Variants in ITPR3 observed in about 807,000 individuals in gnomAD.
ITPR3 encodes inositol 1,4,5-trisphosphate receptor type 3.
ITPR3 carries 173 observed loss-of-function variants against 293.2 expected under a neutral mutation model. The ratio of observed to expected loss-of-function variants is 0.59; its 90% CI spans 0.52 to 0.67. ITPR3 has a LOEUF of 0.67. ITPR3 is among the 30% of genes least tolerant of loss of function. The probability of loss-of-function intolerance (pLI) is 0.00; values close to 1 mark genes in which losing one functional copy is unlikely to be tolerated. For synonymous variants in ITPR3, 1,295 were observed against 1,444.4 expected (o/e 0.90, Z 2.35); for missense variants, 2,796 against 3,592.1 (o/e 0.78, Z 5.66).
At chr6:33,669,298 A>T (rs181846129) in intron 18 of ITPR3, 142 bp downstream of exon 18, 1 of 810,638 alleles carries the variant, frequency 1.2e-6, no homozygotes, top group East Asian at 2.7e-5. Flanking sequence ...CCCTGCTGTC[A>T]CTCCCCTGCC....
At chr6:33,652,056 A>T (rs1764203991) in intron 2 of ITPR3, among the ~76,000 whole-genome samples, 1 of 152,128 alleles carries the variant, frequency 6.6e-6, no homozygotes, top group Non-Finnish European at 1.5e-5. Flanking sequence ...GTGGGCTCAG[A>T]CACAGGGCCC....
In ITPR3 at chr6:33,670,254, G is replaced by T; in HGVS notation, c.2190-71G>T. ...TGCCACTTTACTGAGTCCTCACCAA[G>T]TCTAGTGCCCAGTGCCAGCAGCCTC... On this transcript the variant is annotated intron_variant, in intron 18 of 57. Transcript: ENST00000605930. This position sits in a 1 kb window ranked among gnomAD's most constrained non-coding sequence, Gnocchi z 6.7. The T allele has an allele frequency of 6.4e-7, 1 of 1,560,684 alleles. No homozygotes were observed.
rs980312244 is a variant in ITPR3, at chr6:33,677,157, C to T, written c.3522+68C>T. 4.8e-5 allele frequency: 68 copies of T among 1,420,452 alleles called. 1 individual carries two copies. Among genetic ancestry groups the T allele is most frequent in the Non-Finnish European group, 5.9e-5 (60 of 1,012,234 alleles). 88.0% of individuals were successfully genotyped at this position (1,420,452 alleles called of 1,614,324 possible). A position where few individuals can be genotyped will look rare whatever the true frequency, so the allele number is the denominator to read the frequency against. On this transcript the variant is annotated intron_variant, in intron 27 of 57. Transcript: ENST00000605930. ...GTGGTCCTGGGGGCTCCCGCTGGCC[C>T]GGCCCCCTGTGCCTCTCCCTGTGCT... is the stretch of plus-strand genomic sequence containing the variant.
chr6:33,657,942 A>G lies in ITPR3; in HGVS notation c.293A>G (p.Gln98Arg). The G allele has an allele frequency of 1.2e-6, 2 of 1,613,734 alleles. No individual in the cohort carries two copies. The highest frequency in any genetic ancestry group is 1.7e-6 in the Non-Finnish European group (2 of 1,179,794). The change falls in exon 4 of 58, where the codon CAG (glutamine) becomes CGG (arginine). Residue 98 changes from glutamine to arginine, a missense_variant. Transcript: ENST00000605930. The stretch of plus-strand genomic sequence containing the variant: ...TGTGTGTCTGTGCAGCATGCGGCGC[A>G]GATGGAGCAGAAGCAAAATGACACG... The part of the protein sequence containing the change: ...VLLQKLQHAA[Q>R]MEQKQNDTEN...
At chr6:33,661,907 A>G (rs1232795538) in intron 7 of ITPR3, among the ~76,000 whole-genome samples, 1 of 148,560 alleles carries the variant, frequency 6.7e-6, no homozygotes, top group Non-Finnish European at 1.5e-5. Context: ...GAGGCATGAG[A>G]ATCACTTGAA....
At position 33,667,252 on chromosome 6, in the gene ITPR3, G is replaced by A. The variant is rs140871728; in HGVS notation, c.1675G>A (p.Val559Met). ...GCACATGTTCCGCCTGTGCTACCGC[G>A]TGTTGCGGCATTCCCAGGAGGACTA... The part of the protein sequence containing the change: ...YQHMFRLCYR[V>M]LRHSQEDYRK... Residue 559 changes from valine (V) to methionine (M), a missense_variant, in exon 15 of 58, where the codon GTG (valine) becomes ATG (methionine). Val to Met is a conservative substitution (Grantham distance 21). Coordinates refer to ENST00000605930, the MANE Select transcript of ITPR3 (RefSeq NM_002224.4). The surrounding 1 kb of genome is among the most constrained non-coding windows in gnomAD (Gnocchi z 4.4). 19 of 1,613,248 alleles carry A rather than the reference G, an allele frequency of 1.2e-5. No individual in the cohort carries two copies. The highest frequency in any genetic ancestry group is 1.8e-4 in the Middle Eastern group (1 of 5,510).
At chr6:33,688,004 C>G in intron 46 of ITPR3, 53 bp from the exon 47 acceptor site, 3 of 1,440,602 alleles carry the variant, frequency 2.1e-6, no homozygotes, top group Non-Finnish European at 9.6e-7. Flanking sequence ...GGGCTGAGTG[C>G]CAGCCTGGAT....
rs1765428029 is a variant in ITPR3 at position 33,692,741 on chromosome 6, C to T, written c.7472C>T (p.Pro2491Leu). 1 of 1,613,946 alleles carries T rather than the reference C, an allele frequency of 6.2e-7. No individual in the cohort carries two copies. Among genetic ancestry groups the T allele is most frequent in the Admixed American group, 1.7e-5 (1 of 60,000 alleles). ...RKPSKDESLF[P>L]ARVVYDLLFF... is the part of the protein sequence containing the mutation. ...CATCCCCTGCAGGAGTCTCTCTTCC[C>T]AGCCCGAGTGGTCTATGACCTCCTG... is the stretch of plus-strand genomic sequence containing the variant. Residue 2491 changes from proline (P) to leucine (L), a missense_variant, in exon 55 of 58, where the codon CCA becomes CTA. Pro to Leu is a moderately conservative substitution (Grantham distance 98). Coordinates refer to ENST00000605930, the MANE Select transcript of ITPR3 (RefSeq NM_002224.4). The surrounding 1 kb of genome is among the most constrained non-coding windows in gnomAD (Gnocchi z 4.2).
rs772253428 is a variant in ITPR3, at chr6:33,670,379, C to G, written c.2244C>G (p.Ile748Met). The G allele has an allele frequency of 6.2e-7, 1 of 1,614,108 alleles. No homozygotes were observed. The highest frequency in any genetic ancestry group is 8.5e-7 in the Non-Finnish European group (1 of 1,180,042). ...RMCLDRQYLA[I>M]DEISQQLGVD... ...GCTTGGACCGCCAGTACTTGGCCAT[C>G]GACGAGATCTCCCAGCAGCTGGGCG... is the stretch of plus-strand genomic sequence containing the variant. The change falls in exon 19 of 58, where the codon ATC becomes ATG. Residue 748 changes from isoleucine to methionine, a missense_variant. Physicochemically the swap from Ile to Met is conservative, Grantham distance 10 (BLOSUM62 1). This residue lies in a region of ITPR3 where 955 missense variants were observed against 1,180.8 expected (regional missense o/e 0.81). Transcript: ENST00000605930. This position sits in a 1 kb window ranked among gnomAD's most constrained non-coding sequence, Gnocchi z 6.7.
chr6:33,695,248 G>A, intron 57 of ITPR3, 163 bp downstream of exon 57: 1 of 737,052 alleles, frequency 1.4e-6, no homozygotes, highest in Non-Finnish European at 2.2e-6. Context: ...TGGCAAGTCA[G>A]ACTGGGGTTG....
intron 48 of ITPR3, 90 bp from the exon 49 acceptor site, chr6:33,688,566 G>A (rs745893960): frequency 3.6e-5 from 57 of 1,567,828 alleles, no homozygotes; most frequent in Middle Eastern, 3.7e-4. Flanking sequence ...TCTTCCATGT[G>A]TGGCTTCCTC....
chr6:33,687,129 G>A lies in ITPR3; in HGVS notation c.6075+25G>A, dbSNP rs747068819. ...GGTGAGGCTGGGCAGGTGGGCAGGC[G>A]GGCGGAACCAGGTGGAGTGTGTTGG... On this transcript the variant is annotated intron_variant, in intron 44 of 57. Coordinates refer to ENST00000605930, the MANE Select transcript of ITPR3 (RefSeq NM_002224.4). This position sits in a 1 kb window ranked among gnomAD's most constrained non-coding sequence, Gnocchi z 5.3. 1.2e-5 allele frequency: 20 copies of A among 1,610,764 alleles called. No homozygotes were observed. In the South Asian group the frequency reaches 1.5e-4, roughly 12 times the overall value.
chr6:33,672,047 C>T lies in ITPR3; in HGVS notation c.2747C>T (p.Ser916Phe). 6.2e-7 allele frequency: 1 copy of T among 1,607,334 alleles called. No individual in the cohort carries two copies. The highest frequency in any genetic ancestry group is 8.5e-7 in the Non-Finnish European group (1 of 1,175,694). Reference sequence around the variant, plus strand: ...TCCACAGGCAAGAATGTGCGGCGGTCCATCCAGGGCGTGGGGCACATGATG... The same window carrying T: ...TCCACAGGCAAGAATGTGCGGCGGTTCATCCAGGGCGTGGGGCACATGATG... ...EDPGGKNVRR[S>F]IQGVGHMMST... The change falls in exon 22 of 58, where the codon TCC (serine) becomes TTC (phenylalanine). Residue 916 changes from serine (S) to phenylalanine (F), a missense_variant. Physicochemically the swap from Ser to Phe is radical, Grantham distance 155. Around this residue, in one of 8 missense-constraint regions of ITPR3, gnomAD observed 955 missense variants for 1,180.8 expected, o/e 0.81. Transcript: ENST00000605930. This position sits in a 1 kb window ranked among gnomAD's most constrained non-coding sequence, Gnocchi z 5.0.
At chr6:33,695,281 A>G (rs1765512048) in intron 57 of ITPR3, 196 bp downstream of exon 57, 2 of 624,550 alleles carry the variant, frequency 3.2e-6, no homozygotes, top group Non-Finnish European at 5.5e-6. Flanking sequence ...TTGGGCCGCT[A>G]AAGACAAGGC....
Position 33,633,784 on chromosome 6 carries a change from C to T in ITPR3, c.90-6700C>T, listed in dbSNP as rs1307041432. ...CGGGGCCGGGGCCGGGGCCGGACGC[C>T]CGGAGCTCGCGGGCCGGGCCAGGCT... On this transcript the variant is annotated intron_variant, in intron 1 of 57. Transcript: ENST00000605930. This position sits in a 1 kb window ranked among gnomAD's most constrained non-coding sequence, Gnocchi z 5.2. 7.7e-6 allele frequency among the ~76,000 whole-genome samples: 1 copy of T among 129,566 alleles called. No homozygotes were observed. Among genetic ancestry groups the T allele is most frequent in the Non-Finnish European group, 1.7e-5 (1 of 59,458 alleles). The allele number at this position is 129,566 out of a possible 152,430, so 85.0% of individuals were successfully genotyped here. A position where few individuals can be genotyped will look rare whatever the true frequency, so the allele number is the denominator to read the frequency against.
At position 33,674,225 on chromosome 6, in the gene ITPR3, G is replaced by A. The variant is rs1219402225; in HGVS notation, c.3076G>A (p.Asp1026Asn). The A allele has an allele frequency of 1.2e-6, 2 of 1,613,990 alleles. No homozygotes were observed. Among genetic ancestry groups the A allele is most frequent in the African/African-American group, 2.7e-5 (2 of 74,918 alleles). ...CCCCACAGCTGCCAACATGAACCTG[G>A]ATCGCATCGGGGAGCAGGCGGAGGC... Reference protein sequence around the residue: ...FDSTTANMNLDRIGEQAEAMF... With the variant: ...FDSTTANMNLNRIGEQAEAMF... The change falls in exon 24 of 58, where the codon GAT (aspartate) becomes AAT (asparagine). Residue 1026 changes from aspartate (D) to asparagine (N), a missense_variant. Around this residue, in one of 8 missense-constraint regions of ITPR3, gnomAD observed 955 missense variants for 1,180.8 expected, o/e 0.81. Coordinates refer to ENST00000605930, the MANE Select transcript of ITPR3 (RefSeq NM_002224.4).
rs1284756130 is a variant in ITPR3 at position 33,687,613 on chromosome 6, G to A, written c.6264+49G>A. 1 of 1,465,752 alleles carries A rather than the reference G, an allele frequency of 6.8e-7. No homozygotes were observed. The highest frequency in any genetic ancestry group is 9.5e-7 in the Non-Finnish European group (1 of 1,057,246). The allele number at this position is 1,465,752 out of a possible 1,614,324, so 90.8% of individuals were successfully genotyped here. ...GGTGGGGGTGGGGCCTGGAACCCAG[G>A]GAGGACACTTGACCCAAGGGCGTGG... is the stretch of plus-strand genomic sequence containing the variant. On this transcript the variant is annotated intron_variant, in intron 46 of 57. Coordinates refer to ENST00000605930, the MANE Select transcript of ITPR3 (RefSeq NM_002224.4). The surrounding 1 kb of genome is among the most constrained non-coding windows in gnomAD (Gnocchi z 5.3).
In ITPR3 at chr6:33,687,985, G is replaced by A. The variant is rs1330705902; in HGVS notation, c.6265-72G>A. 5.7e-6 allele frequency: 7 copies of A among 1,233,156 alleles called. No individual in the cohort carries two copies. The highest frequency in any genetic ancestry group is 8.1e-6 in the Non-Finnish European group (7 of 860,492). 76.4% of individuals were successfully genotyped at this position (1,233,156 alleles called of 1,614,324 possible). On this transcript the variant is annotated intron_variant, in intron 46 of 57. Coordinates refer to ENST00000605930, the MANE Select transcript of ITPR3 (RefSeq NM_002224.4). The surrounding 1 kb of genome is among the most constrained non-coding windows in gnomAD (Gnocchi z 5.3). ...TAGTTCAGAGCTAGGCGAAGGCCTG[G>A]GAGGGTGGGGGCTGAGTGCCAGCCT...
Position 33,664,728 on chromosome 6 carries a change from G to A in ITPR3, c.1149-142G>A. On this transcript the variant is annotated intron_variant, in intron 11 of 57. Coordinates refer to ENST00000605930, the MANE Select transcript of ITPR3 (RefSeq NM_002224.4). This position sits in a 1 kb window ranked among gnomAD's most constrained non-coding sequence, Gnocchi z 4.4. ...GGCTTCAGCCTCCTCATCTGGAGGG[G>A]CACCAGTGGCTCCTGTCCCACAGCT... 1.4e-6 allele frequency: 1 copy of A among 696,096 alleles called. No individual in the cohort carries two copies. Among genetic ancestry groups the A allele is most frequent in the South Asian group, 1.7e-5 (1 of 58,312 alleles). 43.1% of individuals were successfully genotyped at this position (696,096 alleles called of 1,614,324 possible).
Sources: allele counts gnomAD v4.1 joint callset (sites outside exome capture counted in the v4.1 genomes callset), GRCh38; gene constraint gnomAD v4.1.1; regional missense constraint gnomAD v4.1.1; non-coding constraint Gnocchi (gnomAD v3.1); transcripts MANE v1.5; gene names NCBI Gene and HGNC (gene_info 2026-07-23, HGNC 2026-07-21).